Variants in COL8A1 observed in about 807,000 individuals in gnomAD.
COL8A1 encodes the protein collagen type VIII alpha 1 chain.
COL8A1 carries 21 observed loss-of-function variants against 42.7 expected under a neutral mutation model. The observed-to-expected ratio is 0.49, with a 90% confidence interval of 0.35 to 0.71. The LOEUF (loss-of-function observed/expected upper bound fraction) is 0.71, where lower values mean the gene tolerates loss of function less well. COL8A1 is among the 30% of genes least tolerant of loss of function. The probability of loss-of-function intolerance (pLI) is 0.01; values close to 1 mark genes in which losing one functional copy is unlikely to be tolerated. For missense variants in COL8A1, 788 were observed against 962.4 expected, an observed-to-expected ratio of 0.82 and a Z score of 2.40; for synonymous variants, 367 against 369.1, an observed-to-expected ratio of 0.99 and a Z score of 0.06.
chr3:99,746,312 AT>A (rs1559625725), intron 2 of COL8A1, among the ~76,000 whole-genome samples: 1 of 152,228 alleles, frequency 6.6e-6, no homozygotes. Context: ...GAATAAAAAA[AT>A]ACATGCTCAT....
intron 1 of COL8A1, among the ~76,000 whole-genome samples, chr3:99,712,081 A>G (rs1206114887): frequency 6.6e-6 from 1 of 152,154 alleles, no homozygotes; most frequent in East Asian, 1.9e-4. Context: ...TTGGAAAGCA[A>G]TAAAGTCATA....
chr3:99,734,514 TG>T (rs769068456), intron 1 of COL8A1, among the ~76,000 whole-genome samples: 2 of 151,934 alleles, frequency 1.3e-5, no homozygotes, highest in Non-Finnish European at 2.9e-5. Context: ...ACTATATCTC[TG>T]TTTTGGTACC....
chr3:99,729,519 G>C (rs1166421277), intron 1 of COL8A1, among the ~76,000 whole-genome samples: 1 of 151,892 alleles, frequency 6.6e-6, no homozygotes, highest in Admixed American at 6.6e-5. Context: ...GTACTCAAAA[G>C]AAAGCCAGTG....
rs375734321 is a variant in COL8A1, at chr3:99,739,177, C to T, written c.-128-5720C>T. 5.3e-5 allele frequency among the ~76,000 whole-genome samples: 8 copies of T among 152,332 alleles called. No individual in the cohort carries two copies. The East Asian group carries it at 1.5e-3, about 29-fold the overall frequency. On this transcript the variant is annotated intron_variant, in intron 1 of 3. Coordinates refer to ENST00000652472, the MANE Select transcript of COL8A1 (RefSeq NM_020351.4). Reference sequence around the variant, plus strand: ...ACCTCAGATGGAAATGCAGAAATCACCCGTCTTCTGCATTGCTCACGCTGG... The same window carrying T: ...ACCTCAGATGGAAATGCAGAAATCATCCGTCTTCTGCATTGCTCACGCTGG...
chr3:99,727,095 G>A (rs542170413), intron 1 of COL8A1, among the ~76,000 whole-genome samples: 23 of 152,238 alleles, frequency 1.5e-4, no homozygotes, highest in African/African-American at 5.5e-4. Context: ...TCATTGAGCA[G>A]TGGTTTGTAG....
At chr3:99,696,941 C>G (rs375487843) in intron 1 of COL8A1, among the ~76,000 whole-genome samples, 4 of 150,280 alleles carry the variant, frequency 2.7e-5, no homozygotes, top group Non-Finnish European at 4.4e-5. Context: ...GTAATTTAGT[C>G]CATTTGCTAT....
At chr3:99,766,771 G>T (rs1481987665) in intron 2 of COL8A1, among the ~76,000 whole-genome samples, 2 of 152,146 alleles carry the variant, frequency 1.3e-5, no homozygotes, top group Admixed American at 6.5e-5. Flanking sequence ...CCAACATGGA[G>T]AAACCCCATC....
chr3:99,731,284 A>G (rs1940501243), intron 1 of COL8A1, among the ~76,000 whole-genome samples: 1 of 152,182 alleles, frequency 6.6e-6, no homozygotes, highest in Non-Finnish European at 1.5e-5. Context: ...AGGAAGTGAT[A>G]TTCAAGAGGA....
chr3:99,652,475 G>T (rs370749145), intron 1 of COL8A1, among the ~76,000 whole-genome samples: 2 of 152,208 alleles, frequency 1.3e-5, no homozygotes, highest in African/African-American at 4.8e-5. Flanking sequence ...TTAATATCGT[G>T]AGTGTTGGGG....
intron 2 of COL8A1, among the ~76,000 whole-genome samples, chr3:99,760,300 C>A (rs976811028): frequency 6.6e-5 from 10 of 152,072 alleles, no homozygotes; most frequent in South Asian, 2.1e-4. Flanking sequence ...CAATCACATT[C>A]ATTTCAGTCA....
chr3:99,666,770 A>G (rs1475553088), intron 1 of COL8A1, among the ~76,000 whole-genome samples: 2 of 152,210 alleles, frequency 1.3e-5, no homozygotes, highest in East Asian at 1.9e-4. Flanking sequence ...AAGAAATGCT[A>G]TAGGAACTAA....
intron 3 of COL8A1, among the ~76,000 whole-genome samples, chr3:99,792,969 G>C (rs1031914294): frequency 4.6e-5 from 7 of 152,144 alleles, no homozygotes; most frequent in African/African-American, 1.7e-4. Flanking sequence ...TTAAGCATAA[G>C]AGGAAATATC....
At chr3:99,742,029 G>C (rs1372312000) in intron 1 of COL8A1, among the ~76,000 whole-genome samples, 4 of 151,904 alleles carry the variant, frequency 2.6e-5, no homozygotes, top group South Asian at 2.1e-4. Context: ...TCTATCTTTT[G>C]GTTTCTTTCA....
intron 2 of COL8A1, among the ~76,000 whole-genome samples, chr3:99,784,996 T>G (rs112981809): frequency 0.018 from 2,806 of 152,296 alleles, 78 homozygotes; most frequent in African/African-American, 0.063. Context: ...AAAGGTCATG[T>G]GCCCATCTTT....
chr3:99,685,595 A>G (rs1219470416), intron 1 of COL8A1: 1 of 152,044 alleles, frequency 6.6e-6, no homozygotes, highest in South Asian at 2.1e-4. Flanking sequence ...GAGTCTTTTT[A>G]TTAATTCTCC....
At chr3:99,670,203 T>G (rs1938499411) in intron 1 of COL8A1, among the ~76,000 whole-genome samples, 1 of 152,048 alleles carries the variant, frequency 6.6e-6, no homozygotes, top group African/African-American at 2.4e-5. Context: ...AGAAAAATAT[T>G]TTTAAGTAAG....
chr3:99,728,938 TG>T (rs1264789513), intron 1 of COL8A1, among the ~76,000 whole-genome samples: 3 of 152,052 alleles, frequency 2.0e-5, no homozygotes, highest in African/African-American at 7.2e-5. Context: ...TCCTGACCTC[TG>T]TTATTTAGAA....
At position 99,795,504 on chromosome 3, in the gene COL8A1, C is replaced by A. The variant is rs201974811; in HGVS notation, c.1603C>A (p.Pro535Thr). 1.3e-6 allele frequency: 2 copies of A among 1,586,816 alleles called. No homozygotes were observed. Among genetic ancestry groups the A allele is most frequent in the Non-Finnish European group, 1.7e-6 (2 of 1,166,456 alleles). The change falls in exon 4 of 4, where the codon CCC (proline) becomes ACC (threonine). Residue 535 changes from proline (P) to threonine (T), a missense_variant. By Grantham distance (38) the Pro-to-Thr change is conservative. Transcript: ENST00000652472. Reference sequence around the variant, plus strand: ...CCCTGGGTTCCCTGGTATAGGGAAACCCGGAGTGGCAGGACTTCATGGCCC... The same window carrying A: ...CCCTGGGTTCCCTGGTATAGGGAAAACCGGAGTGGCAGGACTTCATGGCCC... The part of the protein sequence containing the change: ...GPPGFPGIGK[P>T]GVAGLHGPPG...
intron 1 of COL8A1, among the ~76,000 whole-genome samples, chr3:99,712,951 C>A (rs1034553920): frequency 6.6e-6 from 1 of 152,052 alleles, no homozygotes; most frequent in Non-Finnish European, 1.5e-5. Context: ...CGTCTCAAGT[C>A]TTTTATAGAC....
Sources: allele counts gnomAD v4.1 joint callset (sites outside exome capture counted in the v4.1 genomes callset), GRCh38; gene constraint gnomAD v4.1.1; transcripts MANE v1.5; gene names NCBI Gene and HGNC (gene_info 2026-07-23, HGNC 2026-07-21).